Variants in RNF213 observed in about 807,000 individuals in gnomAD.
The protein encoded by RNF213 is E3 ubiquitin-protein ligase RNF213.
Under a neutral mutation model 514.4 loss-of-function variants are expected in RNF213, and 341 were observed. The ratio of observed to expected loss-of-function variants is 0.66; its 90% CI spans 0.61 to 0.73. The LOEUF (loss-of-function observed/expected upper bound fraction) is 0.73. Ranked by LOEUF, RNF213 falls within the 30% of genes least tolerant of loss-of-function variation. The pLI is 0.00. For missense variants in RNF213, 5,767 were observed against 6,615.6 expected, an observed-to-expected ratio of 0.87 and a Z score of 4.45; for synonymous variants, 2,655 against 2,658.2, an observed-to-expected ratio of 1.00 and a Z score of 0.04.
chr17:80,344,150 T>C, intron 28 of RNF213, 135 bp downstream of exon 28: 2 of 906,780 alleles, frequency 2.2e-6, no homozygotes, highest in Non-Finnish European at 3.3e-6. Flanking sequence ...GCAGTGTTAG[T>C]AAAGAAAAGC....
chr17:80,268,280 G>T (rs2043675781), intron 2 of RNF213, among the ~76,000 whole-genome samples: 1 of 149,588 alleles, frequency 6.7e-6, no homozygotes, highest in South Asian at 2.1e-4. Context: ...CTGGAGCCCA[G>T]GAGGTCAACG....
intron 40 of RNF213, 86 bp from the exon 41 acceptor site, chr17:80,363,523 A>G (rs2079131968): frequency 2.7e-6 from 4 of 1,476,078 alleles, no homozygotes; most frequent in Non-Finnish European, 3.8e-6. Context: ...CTGGGACACA[A>G]GTATACATGC....
chr17:80,289,281 C>T (rs569266831), intron 5 of RNF213, among the ~76,000 whole-genome samples: 1 of 152,274 alleles, frequency 6.6e-6, no homozygotes, highest in South Asian at 2.1e-4. Context: ...TAAGAAGCAT[C>T]CCCTGTAGGG....
chr17:80,371,773 CACACA>C, intron 46 of RNF213, 96 bp from the exon 47 acceptor site: 1 of 705,822 alleles, frequency 1.4e-6, no homozygotes, highest in Non-Finnish European at 2.6e-6. Context: ...TTTATACACA[CACACA>C]CACAGGACAG....
At chr17:80,379,899 G>A (rs935458728) in intron 55 of RNF213, 185 bp downstream of exon 55, 1 of 644,620 alleles carries the variant, frequency 1.6e-6, no homozygotes, top group Non-Finnish European at 2.8e-6. Flanking sequence ...CTGATCTGTT[G>A]TTGGATCCCT....
chr17:80,359,697 CGCT>C (rs1047541870), intron 37 of RNF213, among the ~76,000 whole-genome samples: 3 of 152,074 alleles, frequency 2.0e-5, no homozygotes, highest in African/African-American at 7.2e-5. Flanking sequence ...AAAGACAAGG[CGCT>C]GCTGATGTTC....
chr17:80,374,420 C>G, intron 49 of RNF213, 38 bp from the exon 50 acceptor site: 1 of 1,613,666 alleles, frequency 6.2e-7, no homozygotes, highest in Non-Finnish European at 8.5e-7. Flanking sequence ...CAAGACATTC[C>G]TCCCATTGTT....
chr17:80,365,862 A>G (rs1173430301), intron 42 of RNF213, among the ~76,000 whole-genome samples: 2 of 152,174 alleles, frequency 1.3e-5, no homozygotes, highest in East Asian at 3.8e-4. Flanking sequence ...GGTGCCCATA[A>G]ACCCAAAGGT....
rs1568171150 is a variant in RNF213 at position 80,386,869 on chromosome 17, G to A, written c.14900G>A (p.Gly4967Asp). ...CAGATCGTCAGCCGCTTCCTCCAGG[G>A]CAAGCCCCGGCTGAGCCTCAAGGTA... ...QRQIVSRFLQ[G>D]KPRLSLKGIP... Residue 4967 changes from glycine to aspartate, a missense_variant, in exon 63 of 68, where the codon GGC becomes GAC. Coordinates refer to ENST00000582970, the MANE Select transcript of RNF213 (RefSeq NM_001256071.3). 3.7e-6 allele frequency: 6 copies of A among 1,613,006 alleles called. No individual in the cohort carries two copies. The South Asian group carries it at 5.5e-5, about 15-fold the overall frequency.
At chr17:80,298,610 C>T in intron 11 of RNF213, 92 bp downstream of exon 11, 2 of 1,316,650 alleles carry the variant, frequency 1.5e-6, no homozygotes, top group South Asian at 1.2e-5. Context: ...TGCAGTGACT[C>T]CATTCCTGAT....
chr17:80,307,854 GT>G (rs59352873), intron 13 of RNF213, among the ~76,000 whole-genome samples: 4,043 of 130,652 alleles, frequency 0.031, 172 homozygotes, highest in African/African-American at 0.088. Context: ...CTGGCCGTCT[GT>G]TTTTTTTTTT....
At chr17:80,337,557 G>A (rs972253006) in intron 23 of RNF213, 29 bp from the exon 24 acceptor site, 3 of 1,534,568 alleles carry the variant, frequency 2.0e-6, no homozygotes, top group Non-Finnish European at 2.6e-6. Flanking sequence ...TCCAACCGTG[G>A]CCCGTGTTCT....
At position 80,345,283 on chromosome 17, in the gene RNF213, A is replaced by T; in HGVS notation, c.6948A>T (p.Thr2316=). ...TCAATGACGACCACACAACCATGAC[A>T]TTCATCGGCTTCCATCTGCAGCCCA... ...VFFNDDHTTM[T]FIGFHLQPNI... The change falls in exon 29 of 68, where the codon ACA becomes ACT. Residue 2316 remains threonine, a synonymous_variant. Coordinates refer to ENST00000582970, the MANE Select transcript of RNF213 (RefSeq NM_001256071.3). The surrounding 1 kb of genome is among the most constrained non-coding windows in gnomAD (Gnocchi z 6.0). The T allele has an allele frequency of 6.2e-7, 1 of 1,614,104 alleles. No individual in the cohort carries two copies.
At chr17:80,378,292 C>T (rs2079844491) in intron 54 of RNF213, among the ~76,000 whole-genome samples, 4 of 152,092 alleles carry the variant, frequency 2.6e-5, no homozygotes, top group African/African-American at 7.2e-5. Flanking sequence ...GGTCCAGATG[C>T]CAAAGGAAAA....
At position 80,337,701 on chromosome 17, in the gene RNF213, T is replaced by C; in HGVS notation, c.4643T>C (p.Ile1548Thr). ...TAINQRGIYV[I>T]QAPKGGQKIS... ...ATCAACCAAAGAGGCATCTATGTGA[T>C]CCAGGCGCCCAAAGGTGGCCAAAAG... The change falls in exon 24 of 68, where the codon ATC becomes ACC. Residue 1548 changes from isoleucine to threonine, a missense_variant. Ile to Thr is a moderately conservative substitution (Grantham distance 89, BLOSUM62 -1). Transcript: ENST00000582970. The C allele has an allele frequency of 1.3e-6, 2 of 1,537,272 alleles. No individual in the cohort carries two copies. The highest frequency in any genetic ancestry group is 2.7e-5 in the African/African-American group (2 of 73,178).
Position 80,367,769 on chromosome 17 carries a change from G to T in RNF213, c.11893G>T (p.Val3965Leu), listed in dbSNP as rs761189212. ...LDKCLRENSD[V>L]KTHGPFEAVM... ...TCAGTGTCTTCGAGAGAACTCTGAC[G>T]TGAAGACGCACGGGCCTTTTGAGGC... The change falls in exon 43 of 68, where the codon GTG becomes TTG. Residue 3965 changes from valine (V) to leucine (L), a missense_variant. By Grantham distance (32) the Val-to-Leu change is conservative (BLOSUM62 1). Around this residue, in one of 13 missense-constraint regions of RNF213, gnomAD observed 355 missense variants for 358.0 expected, o/e 0.99. Transcript: ENST00000582970. 1 of 1,614,156 alleles carries T rather than the reference G, an allele frequency of 6.2e-7. No homozygotes were observed. Among genetic ancestry groups the T allele is most frequent in the Non-Finnish European group, 8.5e-7 (1 of 1,179,998 alleles).
At chr17:80,279,802 A>C (rs1411886316) in intron 3 of RNF213, among the ~76,000 whole-genome samples, 1 of 152,194 alleles carries the variant, frequency 6.6e-6, no homozygotes, top group East Asian at 1.9e-4. Context: ...ATTTAGGAGT[A>C]TTACAGGACT....
chr17:80,274,952 GGGGGTGTGTGTGTT>G (rs1470351302), intron 3 of RNF213, among the ~76,000 whole-genome samples: 11 of 71,164 alleles, frequency 1.5e-4, no homozygotes, highest in African/African-American at 6.7e-4. Context: ...TGTGTGAGTG[GGGGGTGTGTGTGTT>G]GGGGTGTGTG....
Position 80,385,090 on chromosome 17 carries a change from A to G in RNF213, c.14374A>G (p.Arg4792Gly). Reference sequence around the variant, plus strand: ...CCTGCCTGAGATTTTGGCCTTGCAAAGGGATCTAGTGAAGCAGTTCCAGAA... The same window carrying G: ...CCTGCCTGAGATTTTGGCCTTGCAAGGGGATCTAGTGAAGCAGTTCCAGAA... ...KFLPEILALQ[R>G]DLVKQFQNVQ... Residue 4792 changes from arginine (R) to glycine (G), a missense_variant, in exon 60 of 68, where the codon AGG (arginine) becomes GGG (glycine). By Grantham distance (125) the Arg-to-Gly change is moderately radical (BLOSUM62 -2). Transcript: ENST00000582970. 1 of 1,614,216 alleles carries G rather than the reference A, an allele frequency of 6.2e-7. No homozygotes were observed. The highest frequency in any genetic ancestry group is 8.5e-7 in the Non-Finnish European group (1 of 1,180,040).
Sources: allele counts gnomAD v4.1 joint callset (sites outside exome capture counted in the v4.1 genomes callset), GRCh38; gene constraint gnomAD v4.1.1; regional missense constraint gnomAD v4.1.1; non-coding constraint Gnocchi (gnomAD v3.1); transcripts MANE v1.5; gene names NCBI Gene and HGNC (gene_info 2026-07-23, HGNC 2026-07-21).